The following MARCHF1 variants were observed in gnomAD, a reference collection of about 807,000 sequenced individuals.
MARCHF1 encodes the protein membrane associated ring-CH-type finger 1.
In MARCHF1, 40 loss-of-function variants were observed where a neutral mutation model predicts 54.2. The ratio of observed to expected loss-of-function variants is 0.74; its 90% CI spans 0.57 to 0.96. MARCHF1 has a LOEUF of 0.96. MARCHF1 is among the 40% of genes least tolerant of loss of function. MARCHF1 has a pLI of 0.00. For missense variants in MARCHF1, 586 were observed against 656.5 expected, an observed-to-expected ratio of 0.89 and a Z score of 1.17; for synonymous variants, 236 against 236.3, an observed-to-expected ratio of 1.00 and a Z score of 0.01.
chr4:163,908,759 C>T (rs974936240), intron 3 of MARCHF1, among the ~76,000 whole-genome samples: 1 of 152,062 alleles, frequency 6.6e-6, no homozygotes, highest in African/African-American at 2.4e-5. Flanking sequence ...AAAATGTAAT[C>T]CTGCGAGCAT....
chr4:163,924,179 T>A lies in MARCHF1; in HGVS notation c.-39+64322A>T, dbSNP rs1751490733. Among the ~76,000 whole-genome samples, 3 of 152,014 alleles carry A rather than the reference T, an allele frequency of 2.0e-5. No homozygotes were observed. The South Asian group carries it at 6.2e-4, about 31-fold the overall frequency. ...TTCATGCTGTTGACACAGAGGAAAATTACTTAATGCTGCAAAAGCACAGCA... is the reference window on the plus strand; with the variant it reads ...TTCATGCTGTTGACACAGAGGAAAAATACTTAATGCTGCAAAAGCACAGCA... On this transcript the variant is annotated intron_variant, in intron 3 of 9. Transcript: ENST00000514618.
At chr4:163,931,128 C>T (rs1004375100) in intron 3 of MARCHF1, among the ~76,000 whole-genome samples, 8 of 152,228 alleles carry the variant, frequency 5.3e-5, no homozygotes, top group Admixed American at 3.3e-4. Context: ...AAGGCTGATA[C>T]GTGCAAGCAA....
chr4:164,079,125 T>A (rs1362588531), intron 2 of MARCHF1, among the ~76,000 whole-genome samples: 6 of 152,216 alleles, frequency 3.9e-5, no homozygotes, highest in African/African-American at 1.2e-4. Context: ...TATTTTTTCC[T>A]CTGTGTTCCT....
intron 5 of MARCHF1, among the ~76,000 whole-genome samples, chr4:163,627,534 A>G (rs1396096191): frequency 6.6e-6 from 1 of 152,178 alleles, no homozygotes; most frequent in Non-Finnish European, 1.5e-5. Flanking sequence ...GTGGGTGACA[A>G]ATTGGTAAAG....
chr4:163,816,925 C>G (rs1299530905), intron 4 of MARCHF1, among the ~76,000 whole-genome samples: 1 of 152,080 alleles, frequency 6.6e-6, no homozygotes, highest in East Asian at 1.9e-4. Flanking sequence ...CTATGATGAT[C>G]TTTATTTTAC....
chr4:164,141,826 G>A (rs539660573), intron 1 of MARCHF1, among the ~76,000 whole-genome samples: 39 of 152,346 alleles, frequency 2.6e-4, no homozygotes, highest in African/African-American at 8.7e-4. Flanking sequence ...AGCCAAGATG[G>A]CCGAATAGGA....
chr4:163,854,637 G>A (rs1749721220), intron 3 of MARCHF1, among the ~76,000 whole-genome samples: 1 of 152,080 alleles, frequency 6.6e-6, no homozygotes, highest in African/African-American at 2.4e-5. Flanking sequence ...TACTCATTCT[G>A]GCAGTGCCAT....
intron 1 of MARCHF1, among the ~76,000 whole-genome samples, chr4:164,340,063 C>A (rs1267848045): frequency 2.0e-5 from 3 of 151,686 alleles, no homozygotes; most frequent in Non-Finnish European, 4.4e-5. Flanking sequence ...ATAAGCAAAC[C>A]AATAATGAGT....
intron 4 of MARCHF1, among the ~76,000 whole-genome samples, chr4:163,809,134 T>C (rs1748312733): frequency 6.6e-6 from 1 of 152,144 alleles, no homozygotes; most frequent in African/African-American, 2.4e-5. Flanking sequence ...TAAATAACAA[T>C]CAACAACACA....
chr4:163,618,847 G>C (rs896195940), intron 5 of MARCHF1, among the ~76,000 whole-genome samples: 24 of 152,114 alleles, frequency 1.6e-4, no homozygotes, highest in Admixed American at 6.5e-5. Flanking sequence ...AATACAGTCT[G>C]GTATATCCTG....
At chr4:163,601,909 T>C (rs1740984193) in intron 7 of MARCHF1, among the ~76,000 whole-genome samples, 1 of 151,956 alleles carries the variant, frequency 6.6e-6, no homozygotes, top group African/African-American at 2.4e-5. Context: ...TTGGTTTCAG[T>C]CATGTAAGAT....
chr4:164,189,261 C>T (rs1244133822), intron 1 of MARCHF1: 9 of 584,806 alleles, frequency 1.5e-5, no homozygotes, highest in Non-Finnish European at 1.3e-5. Context: ...TAGAAAAGGC[C>T]AGATGGGCCC....
intron 4 of MARCHF1, among the ~76,000 whole-genome samples, chr4:163,726,197 A>G (rs184701577): frequency 1.3e-5 from 2 of 152,304 alleles, no homozygotes; most frequent in Admixed American, 1.3e-4. Context: ...CAAATGTATG[A>G]TAACATGTAT....
At chr4:164,176,976 C>A (rs4056067) in intron 1 of MARCHF1, among the ~76,000 whole-genome samples, 10,665 of 30,368 alleles carry the variant, frequency 0.35, 1,884 homozygotes, top group Non-Finnish European at 0.45. Flanking sequence ...CTCTCTCTCT[C>A]TCTCTATATA....
intron 2 of MARCHF1, among the ~76,000 whole-genome samples, chr4:163,999,798 C>T (rs1175952421): frequency 2.6e-5 from 4 of 151,252 alleles, no homozygotes; most frequent in Non-Finnish European, 4.4e-5. Flanking sequence ...TAATTTGTTC[C>T]CCAACACAAT....
intron 3 of MARCHF1, among the ~76,000 whole-genome samples, chr4:163,912,085 G>A (rs1246443499): frequency 2.1e-5 from 3 of 143,598 alleles, no homozygotes; most frequent in Non-Finnish European, 4.5e-5. Context: ...TTTTTTCCAT[G>A]TTTTAGTTCT....
intron 1 of MARCHF1, among the ~76,000 whole-genome samples, chr4:164,113,042 A>G (rs574958920): frequency 1.5e-3 from 224 of 151,994 alleles, no homozygotes; most frequent in Non-Finnish European, 2.4e-3. Context: ...TTGGCTCAGG[A>G]TAGTGAGGAC....
chr4:164,003,454 G>A (rs750077550), intron 2 of MARCHF1, among the ~76,000 whole-genome samples: 5 of 151,986 alleles, frequency 3.3e-5, no homozygotes, highest in Non-Finnish European at 7.4e-5. Context: ...TACTTTGAAT[G>A]TAAGTACACA....
chr4:164,210,240 G>A (rs1010293895), intron 1 of MARCHF1, among the ~76,000 whole-genome samples: 2 of 152,142 alleles, frequency 1.3e-5, no homozygotes, highest in African/African-American at 4.8e-5. Flanking sequence ...TCATTTATCA[G>A]CATCTGCGAA....
Sources: allele counts gnomAD v4.1 joint callset (sites outside exome capture counted in the v4.1 genomes callset), GRCh38; gene constraint gnomAD v4.1.1; transcripts MANE v1.5; gene names NCBI Gene and HGNC (gene_info 2026-07-23, HGNC 2026-07-21).